AP3B1: variants seen among roughly 807,000 people sequenced by gnomAD.
The protein encoded by AP3B1 is AP-3 complex subunit beta-1.
A neutral mutation model predicts 132.5 loss-of-function variants in AP3B1; 61 were observed. The observed-to-expected ratio is 0.46, with a 90% CI of 0.37 to 0.57. The LOEUF (loss-of-function observed/expected upper bound fraction) is 0.57, where lower values mean the gene tolerates loss of function less well. AP3B1 is among the 20% of genes least tolerant of loss of function. The pLI is 0.00. For missense variants in AP3B1, 1,120 were observed against 1,289.4 expected, an observed-to-expected ratio of 0.87 and a Z score of 2.01; for synonymous variants, 388 against 438.3, an observed-to-expected ratio of 0.89 and a Z score of 1.43.
At chr5:78,224,022 C>T (rs183389975) in intron 6 of AP3B1, among the ~76,000 whole-genome samples, 3 of 152,206 alleles carry the variant, frequency 2.0e-5, no homozygotes, top group East Asian at 1.9e-4. Flanking sequence ...TACTACTCTC[C>T]ATGGTACTTA....
intron 20 of AP3B1, among the ~76,000 whole-genome samples, chr5:78,108,149 GA>G (rs36034430): frequency 6.6e-6 from 1 of 151,588 alleles, no homozygotes; most frequent in African/African-American, 2.4e-5. Context: ...TTGTCTGGAT[GA>G]AAAAAAAGAA....
At chr5:78,216,946 C>T (rs1749344088) in intron 6 of AP3B1, among the ~76,000 whole-genome samples, 1 of 152,028 alleles carries the variant, frequency 6.6e-6, no homozygotes, top group African/African-American at 2.4e-5. Context: ...GATGCTTTTA[C>T]AAAGTGGTAA....
At chr5:78,149,433 C>A (rs1187029740) in intron 14 of AP3B1, among the ~76,000 whole-genome samples, 3 of 151,986 alleles carry the variant, frequency 2.0e-5, no homozygotes, top group African/African-American at 7.3e-5. Context: ...AGAATAGTGC[C>A]TGGCAAATGA....
chr5:78,259,714 TC>T (rs1272027558), intron 2 of AP3B1, among the ~76,000 whole-genome samples: 3 of 152,306 alleles, frequency 2.0e-5, no homozygotes, highest in Non-Finnish European at 4.4e-5. Context: ...ACGCCTGTAA[TC>T]CCAGCACTTT....
chr5:78,014,822 A>C (rs1362815006), intron 26 of AP3B1, among the ~76,000 whole-genome samples: 2 of 152,214 alleles, frequency 1.3e-5, no homozygotes, highest in Non-Finnish European at 1.5e-5. Flanking sequence ...CAAGAGGGCA[A>C]ACATTAATCA....
At chr5:78,084,809 T>C (rs969120443) in intron 22 of AP3B1, among the ~76,000 whole-genome samples, 1 of 152,076 alleles carries the variant, frequency 6.6e-6, no homozygotes, top group African/African-American at 2.4e-5. Flanking sequence ...TTCTACTCTT[T>C]CAATTTCCTT....
chr5:78,041,496 C>T (rs181704803), intron 22 of AP3B1, among the ~76,000 whole-genome samples: 6 of 151,314 alleles, frequency 4.0e-5, no homozygotes, highest in Non-Finnish European at 2.9e-5. Context: ...GAAGTTGAGG[C>T]TGCAGTGAGC....
At chr5:78,234,893 C>G (rs564674845) in intron 3 of AP3B1, among the ~76,000 whole-genome samples, 1 of 152,274 alleles carries the variant, frequency 6.6e-6, no homozygotes, top group East Asian at 1.9e-4. Context: ...AAGACACCAA[C>G]ATACTATGAA....
chr5:78,213,264 G>C (rs1214683511), intron 7 of AP3B1, among the ~76,000 whole-genome samples: 3 of 152,170 alleles, frequency 2.0e-5, no homozygotes, highest in African/African-American at 7.2e-5. Context: ...AGAAAGCACT[G>C]AAGACTATAA....
intron 21 of AP3B1, among the ~76,000 whole-genome samples, chr5:78,097,237 G>A (rs1161482388): frequency 8.2e-5 from 9 of 109,966 alleles, no homozygotes; most frequent in Middle Eastern, 6.3e-3. Context: ...GAGGGAGGTG[G>A]GGGGGTCAGC....
At chr5:78,119,001 G>A (rs1752009468) in intron 17 of AP3B1, among the ~76,000 whole-genome samples, 1 of 152,182 alleles carries the variant, frequency 6.6e-6, no homozygotes, top group Non-Finnish European at 1.5e-5. Context: ...TCAGGCAGCA[G>A]CATTTGCAGT....
intron 23 of AP3B1, 58 bp from the exon 24 acceptor site, chr5:78,034,503 TA>T (rs1374851269): frequency 7.8e-7 from 1 of 1,283,416 alleles, no homozygotes. Flanking sequence ...AGAGGCAAAC[TA>T]AACACTGAAA....
intron 3 of AP3B1, among the ~76,000 whole-genome samples, chr5:78,230,120 C>G (rs550936996): frequency 6.6e-6 from 1 of 152,184 alleles, no homozygotes; most frequent in African/African-American, 2.4e-5. Context: ...TGATTAAAAC[C>G]ATACACCTTT....
At chr5:78,069,538 T>A (rs551368846) in intron 22 of AP3B1, among the ~76,000 whole-genome samples, 11 of 152,252 alleles carry the variant, frequency 7.2e-5, no homozygotes, top group African/African-American at 2.6e-4. Flanking sequence ...TGAATATAGC[T>A]AACAAGGGAA....
At chr5:78,152,331 CT>C (rs980300096) in intron 14 of AP3B1, among the ~76,000 whole-genome samples, 1 of 151,736 alleles carries the variant, frequency 6.6e-6, no homozygotes, top group African/African-American at 2.4e-5. Context: ...ACTGGGAGAA[CT>C]TTTATTATGG....
intron 23 of AP3B1, among the ~76,000 whole-genome samples, chr5:78,036,478 G>A (rs963410639): frequency 1.3e-5 from 2 of 152,076 alleles, no homozygotes; most frequent in African/African-American, 4.8e-5. Flanking sequence ...TTACTTTGAT[G>A]TAACAGTTGT....
At chr5:78,166,952 C>A (rs182870068) in intron 11 of AP3B1, among the ~76,000 whole-genome samples, 1 of 152,114 alleles carries the variant, frequency 6.6e-6, no homozygotes, top group Non-Finnish European at 1.5e-5. Flanking sequence ...GACTTCATGA[C>A]CCAAACCCAA....
chr5:78,239,130 C>T (rs1178036203), intron 3 of AP3B1, among the ~76,000 whole-genome samples: 1 of 151,832 alleles, frequency 6.6e-6, no homozygotes, highest in African/African-American at 2.4e-5. Flanking sequence ...AATAGGAGTA[C>T]TTTTAAAAAT....
chr5:78,223,027 C>CTCTCTTTTTTTTTTT (rs66493022), intron 6 of AP3B1, among the ~76,000 whole-genome samples: 1 of 127,816 alleles, frequency 7.8e-6, no homozygotes, highest in South Asian at 2.5e-4. Context: ...TTGTTTGTTT[C>CTCTCTTTTTTTTTTT]TTTTTTTTTT....
Sources: allele counts gnomAD v4.1 joint callset (sites outside exome capture counted in the v4.1 genomes callset), GRCh38; gene constraint gnomAD v4.1.1; transcripts MANE v1.5; gene names NCBI Gene and HGNC (gene_info 2026-07-23, HGNC 2026-07-21).